TUBGCP2: variants seen among roughly 807,000 people sequenced by gnomAD.
The protein encoded by TUBGCP2 is tubulin gamma complex component 2.
Under a neutral mutation model 92.2 loss-of-function variants are expected in TUBGCP2, and 55 were observed. The observed-to-expected ratio is 0.60, with a 90% CI of 0.48 to 0.75. The LOEUF (loss-of-function observed/expected upper bound fraction) is 0.75, where lower values mean the gene tolerates loss of function less well. Among genes scored for constraint, TUBGCP2 ranks in the 30% least tolerant of loss-of-function variants. The pLI, the probability that TUBGCP2 is intolerant of heterozygous loss-of-function variation, is 0.00. For missense variants in TUBGCP2, 1,093 were observed against 1,188.9 expected, an observed-to-expected ratio of 0.92 and a Z score of 1.19; for synonymous variants, 533 against 505.2, an observed-to-expected ratio of 1.06 and a Z score of -0.74.
At chr10:133,307,102 C>T (rs1564775795) in intron 1 of TUBGCP2, among the ~76,000 whole-genome samples, 4 of 152,244 alleles carry the variant, frequency 2.6e-5, no homozygotes, top group African/African-American at 9.6e-5. Flanking sequence ...TGCACAGCGT[C>T]CCACTGAAAA....
At chr10:133,293,998 C>T (rs573431602) in intron 5 of TUBGCP2, among the ~76,000 whole-genome samples, 2 of 152,336 alleles carry the variant, frequency 1.3e-5, no homozygotes, top group South Asian at 4.1e-4. Context: ...GTCAAGATCT[C>T]ACCACACTCG....
At chr10:133,284,056 C>A in intron 13 of TUBGCP2, 54 bp from the exon 14 acceptor site, 6 of 1,594,142 alleles carry the variant, frequency 3.8e-6, no homozygotes, top group Non-Finnish European at 5.1e-6. Flanking sequence ...CCCGACAGCG[C>A]CCACCAAGTG....
upstream of TUBGCP2, chr10:133,309,355 C>T: frequency 6.3e-7 from 1 of 1,599,292 alleles, no homozygotes; most frequent in Non-Finnish European, 8.5e-7. Flanking sequence ...TGCCGCGAGT[C>T]ACCTGGCCCC....
At position 133,283,165 on chromosome 10, in the gene TUBGCP2, C is replaced by G; in HGVS notation, c.2202G>C (p.Leu734=). ...CGGGGTTGGTGAGCATGCAGTCCTT[C>G]AGGCAGGTGTCCAGGAAGCCTGTGT... ...GHHTGFLDTC[L]KDCMLTNPEL... is the part of the protein sequence containing the mutation. Residue 734 remains leucine (L), a synonymous_variant, in exon 15 of 18, where the codon CTG becomes CTC. Transcript: ENST00000252936. 6.2e-7 allele frequency: 1 copy of G among 1,614,238 alleles called. No individual in the cohort carries two copies. Among genetic ancestry groups the G allele is most frequent in the Non-Finnish European group, 8.5e-7 (1 of 1,180,048 alleles).
chr10:133,305,665 G>A (rs996352014), intron 1 of TUBGCP2, among the ~76,000 whole-genome samples: 3 of 151,178 alleles, frequency 2.0e-5, no homozygotes, highest in Non-Finnish European at 4.4e-5. Flanking sequence ...ATTAGCACGG[G>A]ACTCGACACC....
intron 3 of TUBGCP2, 78 bp from the exon 4 acceptor site, chr10:133,299,681 C>A: frequency 7.8e-7 from 1 of 1,288,560 alleles, no homozygotes; most frequent in Non-Finnish European, 1.1e-6. Flanking sequence ...GACGACACCA[C>A]CAGGACGGCT....
At chr10:133,309,387 C>A (rs771825413), upstream of TUBGCP2, 5 of 1,610,864 alleles carry the variant, frequency 3.1e-6, no homozygotes, top group East Asian at 4.5e-5. Context: ...ACTTTTCCTG[C>A]AGGATGGGGA....
chr10:133,309,680 G>A, upstream of TUBGCP2: 1 of 1,428,240 alleles, frequency 7.0e-7, no homozygotes, highest in Non-Finnish European at 9.8e-7. Context: ...AGATGCATAG[G>A]GGCTTTATTG....
At chr10:133,307,331 C>G (rs1249387730) in intron 1 of TUBGCP2, among the ~76,000 whole-genome samples, 1 of 152,230 alleles carries the variant, frequency 6.6e-6, no homozygotes, top group Non-Finnish European at 1.5e-5. Context: ...ATGTCACACT[C>G]CACCACGGAC....
At position 133,288,872 on chromosome 10, in the gene TUBGCP2, C is replaced by T. The variant is rs745727910; in HGVS notation, c.1509G>A (p.Leu503=). ...GAGCCACCAGCTCCTTCTCCTCCATCAGGAAGTCCAGCAGCACCTTGCTGG... is the reference window on the plus strand; with the variant it reads ...GAGCCACCAGCTCCTTCTCCTCCATTAGGAAGTCCAGCAGCACCTTGCTGG... ...NYASKVLLDF[L]MEEKELVAHL... is the part of the protein sequence containing the mutation. Residue 503 remains leucine, a synonymous_variant, in exon 10 of 18, where the codon CTG becomes CTA. Transcript: ENST00000252936. 6.2e-7 allele frequency: 1 copy of T among 1,613,476 alleles called. No homozygotes were observed. The highest frequency in any genetic ancestry group is 8.5e-7 in the Non-Finnish European group (1 of 1,179,618).
At chr10:133,294,987 C>A (rs1340329772) in intron 5 of TUBGCP2, among the ~76,000 whole-genome samples, 7 of 152,322 alleles carry the variant, frequency 4.6e-5, no homozygotes. Context: ...CTTCCAGGAA[C>A]TGCCTCTGAC....
At chr10:133,288,499 C>T (rs1248256973) in intron 10 of TUBGCP2, among the ~76,000 whole-genome samples, 190 bp from the exon 11 acceptor site, 1 of 151,840 alleles carries the variant, frequency 6.6e-6, no homozygotes, top group Non-Finnish European at 1.5e-5. Flanking sequence ...CACAGATGCT[C>T]GCCATAGCCA....
rs1847118913 is a variant in TUBGCP2, at chr10:133,285,637, G to A, written c.1723-9C>T. On this transcript the variant is annotated splice_polypyrimidine_tract_variant and intron_variant, in intron 11 of 17. Coordinates refer to ENST00000252936, the MANE Select transcript of TUBGCP2 (RefSeq NM_006659.4). The surrounding 1 kb of genome is among the most constrained non-coding windows in gnomAD (Gnocchi z 6.8). The stretch of plus-strand genomic sequence containing the variant: ...TGGGGCATCAGGTCGATCTTGGAGG[G>A]AAGGAAATGAAACAAAGCATCCAGT... 2.0e-6 allele frequency: 3 copies of A among 1,501,478 alleles called. No individual in the cohort carries two copies. Among genetic ancestry groups the A allele is most frequent in the African/African-American group, 1.4e-5 (1 of 71,496 alleles). 93.0% of individuals were successfully genotyped at this position (1,501,478 alleles called of 1,614,324 possible).
rs1176310118 is a variant in TUBGCP2, at chr10:133,289,894, C to T, written c.1290G>A (p.Gln430=). ...QEDYNDKYWD[Q]RYTIVQQQIP... ...TCTGCTGCTGGACGATGGTGTACCG[C>T]TGGTCCCAGTACTTGTCGTTGTAAT... Residue 430 remains glutamine (Q), a synonymous_variant, in exon 9 of 18, where the codon CAG becomes CAA. Coordinates refer to ENST00000252936, the MANE Select transcript of TUBGCP2 (RefSeq NM_006659.4). 2 of 1,605,318 alleles carry T rather than the reference C, an allele frequency of 1.2e-6. No homozygotes were observed. The highest frequency in any genetic ancestry group is 1.4e-5 in the African/African-American group (1 of 72,760).
At chr10:133,299,404 G>A in intron 4 of TUBGCP2, 23 bp downstream of exon 4, 2 of 1,554,086 alleles carry the variant, frequency 1.3e-6, no homozygotes, top group Non-Finnish European at 1.7e-6. Context: ...CATGGAGCCT[G>A]TGGACAGCCA....
chr10:133,302,697 C>T, intron 2 of TUBGCP2, 95 bp downstream of exon 2: 1 of 1,542,536 alleles, frequency 6.5e-7, no homozygotes, highest in Non-Finnish European at 8.9e-7. Context: ...CGGCGCTCAC[C>T]CTGCACCCTG....
chr10:133,281,833 AC>A (rs1846986957), intron 16 of TUBGCP2, among the ~76,000 whole-genome samples: 1 of 152,114 alleles, frequency 6.6e-6, no homozygotes, highest in South Asian at 2.1e-4. Flanking sequence ...CCACCATGCC[AC>A]CCCGGAGCCG....
At chr10:133,309,604 C>A, upstream of TUBGCP2, 1 of 1,269,730 alleles carries the variant, frequency 7.9e-7, no homozygotes, top group Non-Finnish European at 1.1e-6. Flanking sequence ...TTGGCGTGGC[C>A]GACTCTTCCA....
intron 14 of TUBGCP2, 117 bp downstream of exon 14, chr10:133,283,765 T>C: frequency 2.0e-6 from 3 of 1,486,828 alleles, no homozygotes; most frequent in South Asian, 1.3e-5. Context: ...CTCCCTGCAT[T>C]CCCTGCCTCT....
Sources: gnomAD v4.1 joint callset for allele counts (sites outside exome capture counted in the v4.1 genomes callset) on GRCh38, gnomAD v4.1.1 for gene constraint, Gnocchi (gnomAD v3.1) non-coding constraint, MANE v1.5 for transcripts, NCBI Gene and HGNC (gene_info 2026-07-23, HGNC 2026-07-21) for gene names.